Variants in RASL12 observed in about 807,000 individuals in gnomAD.
RASL12 encodes the protein ras-like protein family member 12.
In RASL12, 16 loss-of-function variants were observed where a neutral mutation model predicts 22.9. That is an observed-to-expected ratio of 0.70 (90% CI 0.47 to 1.06). The LOEUF is 1.06. RASL12 is among the 50% of genes least tolerant of loss of function. RASL12 has a pLI of 0.00. For synonymous variants in RASL12, 159 were observed against 152.2 expected (o/e 1.04, Z -0.33); for missense variants, 306 against 353.1 (o/e 0.87, Z 1.07).
chr15:65,066,916 T>G (rs921199271), intron 1 of RASL12, among the ~76,000 whole-genome samples: 1 of 152,210 alleles, frequency 6.6e-6, no homozygotes, highest in Non-Finnish European at 1.5e-5. Flanking sequence ...CTGCCCTCCC[T>G]CCTTCAGCCA....
Position 65,054,887 on chromosome 15 carries a change from G to A in RASL12, c.*12C>T, listed in dbSNP as rs200273152. The A allele has an allele frequency of 5.0e-6, 8 of 1,602,044 alleles. No homozygotes were observed. Among genetic ancestry groups the A allele is most frequent in the East Asian group, 2.2e-5 (1 of 44,668 alleles). ...TCCAGCCACCGAGCCTAGGCTTCCTGGGGAGGGGGCCTCAGAAGATCTTGA... is the reference window on the plus strand; with the variant it reads ...TCCAGCCACCGAGCCTAGGCTTCCTAGGGAGGGGGCCTCAGAAGATCTTGA... On this transcript the variant is annotated 3_prime_UTR_variant, in exon 5 of 5. Coordinates refer to ENST00000220062, the MANE Select transcript of RASL12 (RefSeq NM_016563.4).
chr15:65,065,873 C>T (rs1330704101), intron 1 of RASL12, among the ~76,000 whole-genome samples: 1 of 152,102 alleles, frequency 6.6e-6, no homozygotes, highest in Non-Finnish European at 1.5e-5. Context: ...CTACACTCAT[C>T]ATGGATATCT....
chr15:65,050,856 C>CT (rs1267919383), downstream of RASL12, among the ~76,000 whole-genome samples: 44 of 32,378 alleles, frequency 1.4e-3, no homozygotes, highest in East Asian at 1.6e-3. Context: ...TTTTTTTTGC[C>CT]TTTTTTTTGA....
intron 1 of RASL12, among the ~76,000 whole-genome samples, chr15:65,074,344 T>C (rs888261312): frequency 3.3e-5 from 5 of 152,244 alleles, no homozygotes; most frequent in African/African-American, 9.6e-5. Flanking sequence ...TTTCGGATAC[T>C]GTCCCATGAC....
intron 3 of RASL12, among the ~76,000 whole-genome samples, chr15:65,059,077 C>T (rs1595905460): frequency 6.6e-6 from 1 of 152,232 alleles, no homozygotes; most frequent in Non-Finnish European, 1.5e-5. Flanking sequence ...CCTGTCTCCT[C>T]GTGTGCACAG....
intron 3 of RASL12, among the ~76,000 whole-genome samples, chr15:65,058,977 G>T (rs989643004): frequency 6.6e-6 from 1 of 152,238 alleles, no homozygotes; most frequent in African/African-American, 2.4e-5. Context: ...CCTTGGCAGG[G>T]GGTGGTGAGG....
chr15:65,052,679 G>C (rs1258297158), downstream of RASL12, among the ~76,000 whole-genome samples: 1 of 152,102 alleles, frequency 6.6e-6, no homozygotes, highest in Admixed American at 6.5e-5. Context: ...TTACAGGTGT[G>C]AGCCACTGCA....
At chr15:65,051,169 G>T (rs953039018), downstream of RASL12, among the ~76,000 whole-genome samples, 1 of 151,616 alleles carries the variant, frequency 6.6e-6, no homozygotes, top group Non-Finnish European at 1.5e-5. Flanking sequence ...GTGCTCCGCA[G>T]GTCCAGCCCA....
Position 65,054,318 on chromosome 15 carries a change from G to T in RASL12, c.*581C>A. On this transcript the variant is annotated 3_prime_UTR_variant, in exon 5 of 5. Coordinates refer to ENST00000220062, the MANE Select transcript of RASL12 (RefSeq NM_016563.4). ...GGAAATACCCCTTCCTGGGGCTTCTGTCCATTGGATTATTTTAACTAGATT... is the reference window on the plus strand; with the variant it reads ...GGAAATACCCCTTCCTGGGGCTTCTTTCCATTGGATTATTTTAACTAGATT... 1.0e-6 allele frequency: 1 copy of T among 985,836 alleles called. No individual in the cohort carries two copies. The highest frequency in any genetic ancestry group is 1.2e-6 in the Non-Finnish European group (1 of 830,180). The allele number at this position is 985,836 out of a possible 1,614,324, so 61.1% of individuals were successfully genotyped here. A position where few individuals can be genotyped will look rare whatever the true frequency, so the allele number is the denominator to read the frequency against.
upstream of RASL12, among the ~76,000 whole-genome samples, chr15:65,070,132 T>C (rs2086921355): frequency 6.6e-6 from 1 of 152,184 alleles, no homozygotes; most frequent in Non-Finnish European, 1.5e-5. Flanking sequence ...GCTGGGTATG[T>C]TGGCATGCAA....
chr15:65,069,894 G>GCTCAAAGT (rs2086919481), upstream of RASL12, among the ~76,000 whole-genome samples: 1 of 152,166 alleles, frequency 6.6e-6, no homozygotes, highest in African/African-American at 2.4e-5. Flanking sequence ...ACAGCTCATT[G>GCTCAAAGT]CTCAAAGTCT....
downstream of RASL12, among the ~76,000 whole-genome samples, chr15:65,050,914 G>A (rs1226793074): frequency 7.9e-6 from 1 of 126,250 alleles, no homozygotes; most frequent in African/African-American, 3.0e-5. Flanking sequence ...GTGCAATCTT[G>A]GCTCACTGCA....
rs1007922724 is a variant in RASL12 at position 65,054,310 on chromosome 15, G to T, written c.*589C>A. On this transcript the variant is annotated 3_prime_UTR_variant, in exon 5 of 5. Coordinates refer to ENST00000220062, the MANE Select transcript of RASL12 (RefSeq NM_016563.4). Reference sequence around the variant, plus strand: ...CAAGTGTTGGAAATACCCCTTCCTGGGGCTTCTGTCCATTGGATTATTTTA... The same window carrying T: ...CAAGTGTTGGAAATACCCCTTCCTGTGGCTTCTGTCCATTGGATTATTTTA... The T allele has an allele frequency of 8.2e-5, 81 of 985,652 alleles. No homozygotes were observed. In the African/African-American group the frequency reaches 1.4e-3, roughly 17 times the overall value. The allele number at this position is 985,652 out of a possible 1,614,324, so 61.1% of individuals were successfully genotyped here.
In RASL12 at chr15:65,065,263, C is replaced by T. The variant is rs1401971082; in HGVS notation, c.114G>A (p.Val38=). The change falls in exon 2 of 5, where the codon GTG becomes GTA. Residue 38 remains valine, a synonymous_variant. Coordinates refer to ENST00000220062, the MANE Select transcript of RASL12 (RefSeq NM_016563.4). The part of the protein sequence containing the change: ...RRGAGKSALT[V]KFLTKRFISE... ...TGATAAACCTCTTGGTCAGAAACTT[C>T]ACGGTCAGGGCTGCAAGAAGCAGAA... The T allele has an allele frequency of 1.9e-6, 3 of 1,612,288 alleles. No homozygotes were observed. Among genetic ancestry groups the T allele is most frequent in the Non-Finnish European group, 2.5e-6 (3 of 1,179,356 alleles).
intron 2 of RASL12, among the ~76,000 whole-genome samples, chr15:65,064,759 G>A (rs1427551222): frequency 6.6e-6 from 1 of 152,026 alleles, no homozygotes; most frequent in Non-Finnish European, 1.5e-5. Context: ...ACTATGCCCA[G>A]CTAATTTTTG....
At chr15:65,075,521 C>G (rs1050487337) in intron 1 of RASL12, among the ~76,000 whole-genome samples, 1 of 152,234 alleles carries the variant, frequency 6.6e-6, no homozygotes, top group Non-Finnish European at 1.5e-5. Context: ...GTCTTTATGT[C>G]TAGCTCAGGG....
the RASL12 span, among the ~76,000 whole-genome samples, chr15:65,046,111 G>A: frequency 6.6e-6 from 1 of 152,174 alleles, no homozygotes; most frequent in Non-Finnish European, 1.5e-5. Context: ...GACCAGCCTG[G>A]CCAATGTGGT....
chr15:65,064,874 A>T (rs2086857220), intron 2 of RASL12, among the ~76,000 whole-genome samples: 1 of 152,200 alleles, frequency 6.6e-6, no homozygotes, highest in Admixed American at 6.5e-5. Context: ...GATTACAGGC[A>T]TTAGCCACCG....
intron 1 of RASL12, chr15:65,076,483 A>G (rs1198450228): frequency 3.0e-6 from 2 of 665,118 alleles, no homozygotes; most frequent in African/African-American, 1.8e-5. Flanking sequence ...TGAACATCAG[A>G]AAGGACAGAC....
Sources: gnomAD v4.1 joint callset for allele counts (sites outside exome capture counted in the v4.1 genomes callset) on GRCh38, gnomAD v4.1.1 for gene constraint, MANE v1.5 for transcripts, NCBI Gene and HGNC (gene_info 2026-07-23, HGNC 2026-07-21) for gene names.